Variants in CTNNBIP1 observed in about 807,000 individuals in gnomAD.
CTNNBIP1 encodes catenin beta interacting protein 1, also known as beta-catenin-interacting protein 1.
Under a neutral mutation model 11.8 loss-of-function variants are expected in CTNNBIP1, and 7 were observed. The observed-to-expected ratio is 0.60, with a 90% CI of 0.34 to 1.12. CTNNBIP1 has a LOEUF of 1.12. Ranked by LOEUF, CTNNBIP1 falls within the 50% of genes most tolerant of loss-of-function variation. The pLI is 0.03. For synonymous variants in CTNNBIP1, 58 were observed against 43.9 expected (o/e 1.32, Z -1.26); for missense variants, 101 against 113.4 (o/e 0.89, Z 0.50).
chr1:9,893,262 A>C lies in CTNNBIP1; in HGVS notation c.-143-9524T>G, dbSNP rs578053597. ...CAGGGGCGGCCAGTGTAAAGTGTCC[A>C]AGAAACTGTCCCTAGTCACAATGGG... is the stretch of plus-strand genomic sequence containing the variant. On this transcript the variant is annotated intron_variant, in intron 1 of 5. Coordinates refer to ENST00000377263, the MANE Select transcript of CTNNBIP1 (RefSeq NM_020248.3). 4 of 152,338 alleles carry C rather than the reference A, an allele frequency of 2.6e-5. No individual in the cohort carries two copies. In the East Asian group the frequency reaches 7.7e-4, roughly 29 times the overall value. The allele number at this position is 152,338 out of a possible 1,614,324, so 9.4% of individuals were successfully genotyped here.
chr1:9,880,598 A>G (rs1178022584), intron 2 of CTNNBIP1, among the ~76,000 whole-genome samples: 2 of 152,240 alleles, frequency 1.3e-5, no homozygotes, highest in Non-Finnish European at 2.9e-5. Flanking sequence ...TACTACCAAC[A>G]GCGTGAAAGC....
At chr1:9,863,111 A>G (rs1638667904) in intron 5 of CTNNBIP1, among the ~76,000 whole-genome samples, 2 of 152,306 alleles carry the variant, frequency 1.3e-5, no homozygotes, top group South Asian at 4.1e-4. Context: ...CTGGGGTCAA[A>G]GCGACCCTCC....
At chr1:9,885,934 AG>A (rs1407226445) in intron 1 of CTNNBIP1, among the ~76,000 whole-genome samples, 1 of 148,216 alleles carries the variant, frequency 6.7e-6, no homozygotes, top group Admixed American at 6.7e-5. Flanking sequence ...CTCCATCTTG[AG>A]GAAAAAAAAA....
At position 9,857,616 on chromosome 1, in the gene CTNNBIP1, C is replaced by T. The variant is rs113303620; in HGVS notation, c.188-6840G>A. On this transcript the variant is annotated intron_variant, in intron 5 of 5. Transcript: ENST00000377263. ...AGGAGTTTGAGACCAGCCTATCCAA[C>T]GTGGTGAAACCCCGTATCTACTAAA... 6.4e-3 allele frequency among the ~76,000 whole-genome samples: 975 copies of T among 152,100 alleles called. 13 individuals carry two copies. The highest frequency in any genetic ancestry group is 0.022 in the African/African-American group (930 of 41,486).
At chr1:9,861,177 C>T (rs1412996345) in intron 5 of CTNNBIP1, among the ~76,000 whole-genome samples, 2 of 152,216 alleles carry the variant, frequency 1.3e-5, no homozygotes, top group Non-Finnish European at 2.9e-5. Flanking sequence ...GCTCATTAAT[C>T]TTGCTATTAA....
Position 9,896,886 on chromosome 1 carries a change from G to C in CTNNBIP1, c.-143-13148C>G, listed in dbSNP as rs1639418480. Among the ~76,000 whole-genome samples, 3 of 151,920 alleles carry C rather than the reference G, an allele frequency of 2.0e-5. No individual in the cohort carries two copies. The South Asian group carries it at 6.2e-4, about 31-fold the overall frequency. ...GGAGGCTGAGGCAGAAGAATCAATG[G>C]AACCCGGGAGGCCAAGGTTGCAGTG... On this transcript the variant is annotated intron_variant, in intron 1 of 5. Transcript: ENST00000377263.
chr1:9,852,332 G>A (rs1638408508), intron 5 of CTNNBIP1, among the ~76,000 whole-genome samples: 1 of 152,200 alleles, frequency 6.6e-6, no homozygotes, highest in Non-Finnish European at 1.5e-5. Flanking sequence ...GAGAACCAAG[G>A]TGCTGCTAAG....
At chr1:9,907,371 A>G (rs558689556) in intron 1 of CTNNBIP1, among the ~76,000 whole-genome samples, 1 of 152,230 alleles carries the variant, frequency 6.6e-6, no homozygotes, top group South Asian at 2.1e-4. Flanking sequence ...GGTTTTCACC[A>G]TGTTGCCCAG....
chr1:9,893,827 A>T (rs1419277181), intron 1 of CTNNBIP1, among the ~76,000 whole-genome samples: 3 of 152,246 alleles, frequency 2.0e-5, no homozygotes, highest in African/African-American at 7.2e-5. Context: ...ACCTGCTTCT[A>T]GAAAAGTCAC....
chr1:9,906,473 G>A (rs1378391253), intron 1 of CTNNBIP1, among the ~76,000 whole-genome samples: 1 of 152,074 alleles, frequency 6.6e-6, no homozygotes, highest in East Asian at 1.9e-4. Context: ...CAGGAGAATC[G>A]TTTGAACCCA....
chr1:9,907,913 C>T (rs762331263), intron 1 of CTNNBIP1, among the ~76,000 whole-genome samples: 6 of 152,248 alleles, frequency 3.9e-5, no homozygotes, highest in Non-Finnish European at 7.3e-5. Context: ...CCAGTCTCTA[C>T]ACAGTGGCCA....
intron 5 of CTNNBIP1, among the ~76,000 whole-genome samples, chr1:9,869,334 T>C (rs1638810469): frequency 1.3e-5 from 2 of 151,908 alleles, no homozygotes; most frequent in African/African-American, 4.8e-5. Context: ...ATACAGCTTG[T>C]GTCTTGTGTG....
rs934672948 is a variant in CTNNBIP1 at position 9,872,127 on chromosome 1, G to A, written c.-24-39C>T. ...AACAGCATCAAAAGGGAAGAGATCA[G>A]GATGTGACATACTGGGACAATGACA... On this transcript the variant is annotated intron_variant, in intron 3 of 5. Coordinates refer to ENST00000377263, the MANE Select transcript of CTNNBIP1 (RefSeq NM_020248.3). The surrounding 1 kb of genome is among the most constrained non-coding windows in gnomAD (Gnocchi z 4.0). 30 of 1,267,794 alleles carry A rather than the reference G, an allele frequency of 2.4e-5. No homozygotes were observed. Among genetic ancestry groups the A allele is most frequent in the Admixed American group, 6.8e-5 (4 of 58,638 alleles). The allele number at this position is 1,267,794 out of a possible 1,614,324, so 78.5% of individuals were successfully genotyped here. A position where few individuals can be genotyped will look rare whatever the true frequency, so the allele number is the denominator to read the frequency against.
At chr1:9,869,363 G>GGTTTT (rs1164087483) in intron 5 of CTNNBIP1, among the ~76,000 whole-genome samples, 7 of 150,858 alleles carry the variant, frequency 4.6e-5, no homozygotes, top group Non-Finnish European at 8.9e-5. Context: ...TTGTTGCTGG[G>GGTTTT]GTTTTGTTTT....
At position 9,851,221 on chromosome 1, in the gene CTNNBIP1, A is replaced by G. The variant is rs1407942306; in HGVS notation, c.188-445T>C. Reference sequence around the variant, plus strand: ...TGGCTCACTGTGGTTTTAAATAGCCATTCCTCTTTGCAGCAGCTTCTCCTT... The same window carrying G: ...TGGCTCACTGTGGTTTTAAATAGCCGTTCCTCTTTGCAGCAGCTTCTCCTT... On this transcript the variant is annotated intron_variant, in intron 5 of 5. Coordinates refer to ENST00000377263, the MANE Select transcript of CTNNBIP1 (RefSeq NM_020248.3). The surrounding 1 kb of genome is among the most constrained non-coding windows in gnomAD (Gnocchi z 4.8). 6.6e-6 allele frequency among the ~76,000 whole-genome samples: 1 copy of G among 152,130 alleles called. No homozygotes were observed. Among genetic ancestry groups the G allele is most frequent in the African/African-American group, 2.4e-5 (1 of 41,396 alleles).
intron 1 of CTNNBIP1, among the ~76,000 whole-genome samples, chr1:9,896,977 A>AC (rs369532349): frequency 5.3e-4 from 80 of 151,574 alleles, no homozygotes; most frequent in African/African-American, 1.7e-3. Context: ...AAACAAACAA[A>AC]AAAAAAAAAT....
At chr1:9,870,079 G>A (rs1483348498) in intron 5 of CTNNBIP1, among the ~76,000 whole-genome samples, 2 of 152,202 alleles carry the variant, frequency 1.3e-5, no homozygotes, top group Non-Finnish European at 2.9e-5. Flanking sequence ...ACCCAGCATC[G>A]GTGCTTGGGA....
intron 5 of CTNNBIP1, among the ~76,000 whole-genome samples, chr1:9,860,191 C>T (rs1323042550): frequency 6.6e-6 from 1 of 152,134 alleles, no homozygotes; most frequent in Non-Finnish European, 1.5e-5. Context: ...AGGCCGCAGG[C>T]CCTGCAGGCT....
In CTNNBIP1 at chr1:9,899,565, CT is replaced by C. The variant is rs1451417602; in HGVS notation, c.-144+10529del. ...CACAAGGTCAGGAGATCAAGGCTAT[CT>C]TGGCCAACATGGTGAAACCCCATCT... is the stretch of plus-strand genomic sequence containing the variant. On this transcript the variant is annotated intron_variant, in intron 1 of 5. Transcript: ENST00000377263. Among the ~76,000 whole-genome samples, 45 of 147,476 alleles carry C rather than the reference CT, an allele frequency of 3.1e-4. No individual in the cohort carries two copies. In the East Asian group the frequency reaches 8.2e-3, roughly 27 times the overall value.
Sources: allele counts gnomAD v4.1 joint callset (sites outside exome capture counted in the v4.1 genomes callset), GRCh38; gene constraint gnomAD v4.1.1; non-coding constraint Gnocchi (gnomAD v3.1); transcripts MANE v1.5; gene names NCBI Gene and HGNC (gene_info 2026-07-23, HGNC 2026-07-21).